Variants in CPLX1 observed in about 807,000 individuals in gnomAD.
CPLX1 encodes the protein complexin-1.
In CPLX1, 6 loss-of-function variants were observed where a neutral mutation model predicts 15.6. The ratio of observed to expected loss-of-function variants is 0.39; its 90% CI spans 0.21 to 0.76. The LOEUF (loss-of-function observed/expected upper bound fraction) is 0.76, where lower values mean the gene tolerates loss of function less well. CPLX1 is among the 30% of genes least tolerant of loss of function. CPLX1 has a pLI of 0.43. For missense variants in CPLX1, 242 were observed against 188.6 expected (o/e 1.28, Z -1.66); for synonymous variants, 91 against 75.2 (o/e 1.21, Z -1.08).
chr4:786,768 AG>A lies in CPLX1; in HGVS notation c.208-71del, dbSNP rs1009942619. ...GGGCGGGCCGCAGCCTCCCTGCGCC[AG>A]GGACTGGCCCAGGAACCCCCGAAGG... On this transcript the variant is annotated intron_variant, in intron 3 of 3. Transcript: ENST00000304062. 11 of 1,517,138 alleles carry A rather than the reference AG, an allele frequency of 7.3e-6. No homozygotes were observed. The Admixed American group carries it at 1.4e-4, about 20-fold the overall frequency. 94.0% of individuals were successfully genotyped at this position (1,517,138 alleles called of 1,614,324 possible).
intron 1 of CPLX1, among the ~76,000 whole-genome samples, chr4:825,005 G>T (rs1304782044): frequency 6.6e-6 from 1 of 152,214 alleles, no homozygotes; most frequent in African/African-American, 2.4e-5. Flanking sequence ...AGGGTTGGGG[G>T]TGGGTCTTTG....
chr4:824,261 G>T (rs1262661304), intron 2 of CPLX1, among the ~76,000 whole-genome samples: 1 of 152,240 alleles, frequency 6.6e-6, no homozygotes, highest in Non-Finnish European at 1.5e-5. Flanking sequence ...TTACAGGGCA[G>T]CCCCTGTCCC....
intron 2 of CPLX1, among the ~76,000 whole-genome samples, chr4:824,190 G>A (rs1203153976): frequency 6.6e-6 from 1 of 152,212 alleles, no homozygotes; most frequent in Admixed American, 6.5e-5. Flanking sequence ...CCCTCCCCCA[G>A]GACGTGCATC....
At chr4:800,477 A>AAAATAT (rs1553853379) in intron 2 of CPLX1, among the ~76,000 whole-genome samples, 1 of 146,806 alleles carries the variant, frequency 6.8e-6, no homozygotes. Context: ...TCTACTAAAA[A>AAAATAT]ATATATATAT....
At chr4:790,135 G>A (rs550757624) in intron 3 of CPLX1, among the ~76,000 whole-genome samples, 12 of 152,300 alleles carry the variant, frequency 7.9e-5, no homozygotes, top group African/African-American at 1.9e-4. Flanking sequence ...CTGTGGAGGA[G>A]GACTCTGTGG....
chr4:809,167 C>T (rs1329885899), intron 2 of CPLX1, among the ~76,000 whole-genome samples: 1 of 152,262 alleles, frequency 6.6e-6, no homozygotes, highest in Non-Finnish European at 1.5e-5. Context: ...CACGATTATG[C>T]TCCTCACGCT....
At chr4:814,569 G>A (rs1243050880) in intron 2 of CPLX1, among the ~76,000 whole-genome samples, 3 of 152,144 alleles carry the variant, frequency 2.0e-5, no homozygotes, top group Admixed American at 1.3e-4. Flanking sequence ...GATGGCCCCC[G>A]CGACTCACAG....
chr4:806,587 A>G (rs1382916479), intron 2 of CPLX1, among the ~76,000 whole-genome samples: 3 of 152,148 alleles, frequency 2.0e-5, no homozygotes, highest in Non-Finnish European at 4.4e-5. Flanking sequence ...AAAAGAAACT[A>G]TCATCAGAGT....
intron 2 of CPLX1, among the ~76,000 whole-genome samples, chr4:821,501 G>A (rs1746862199): frequency 6.6e-6 from 1 of 152,220 alleles, no homozygotes; most frequent in African/African-American, 2.4e-5. Context: ...GAGAGCGGGT[G>A]GCTGCTCGCT....
intron 3 of CPLX1, among the ~76,000 whole-genome samples, chr4:791,514 G>A (rs1746175310): frequency 6.6e-6 from 1 of 152,088 alleles, no homozygotes; most frequent in Non-Finnish European, 1.5e-5. Context: ...ACAACACCCC[G>A]TGAAGCCCAC....
At chr4:809,389 G>A (rs998663892) in intron 2 of CPLX1, among the ~76,000 whole-genome samples, 3 of 152,096 alleles carry the variant, frequency 2.0e-5, no homozygotes, top group African/African-American at 7.2e-5. Flanking sequence ...CCTGTCTCAC[G>A]CCCTTACTGA....
At chr4:825,902 CGGGGAGAAGGG>C (rs1746976015) in intron 1 of CPLX1, 133 bp downstream of exon 1, 1 of 19,734 alleles carries the variant, frequency 5.1e-5, no homozygotes, top group Non-Finnish European at 9.8e-5. Context: ...GCCGGGGCCG[CGGGGAGAAGGG>C]GGGCCGGGAA....
intron 2 of CPLX1, among the ~76,000 whole-genome samples, chr4:795,700 C>T (rs1226923796): frequency 1.3e-5 from 2 of 152,166 alleles, no homozygotes; most frequent in Admixed American, 6.5e-5. Context: ...TGGCAACGCC[C>T]CCCACAGCGG....
At chr4:786,994 C>T in intron 3 of CPLX1, 1 of 985,420 alleles carries the variant, frequency 1.0e-6, no homozygotes, top group Non-Finnish European at 1.2e-6. Flanking sequence ...TGGCTCCAAA[C>T]CCAGCCCAGC....
At position 792,257 on chromosome 4, in the gene CPLX1, A is replaced by T. The variant is rs34319523; in HGVS notation, c.207+176T>A. On this transcript the variant is annotated intron_variant, in intron 3 of 3. Coordinates refer to ENST00000304062, the MANE Select transcript of CPLX1 (RefSeq NM_006651.4). The stretch of plus-strand genomic sequence containing the variant: ...AGGAGGGGCTGGGCCCCACAGAGGG[A>T]GCCCAACCCGGAGCCCCCACCCCTC... Among the ~76,000 whole-genome samples the T allele has an allele frequency of 6.4e-3, 968 of 152,212 alleles. 15 individuals are homozygous for T. The highest frequency in any genetic ancestry group is 0.022 in the African/African-American group (905 of 41,558).
At chr4:823,428 G>A (rs1290106536) in intron 2 of CPLX1, among the ~76,000 whole-genome samples, 1 of 152,146 alleles carries the variant, frequency 6.6e-6, no homozygotes, top group Non-Finnish European at 1.5e-5. Flanking sequence ...CTTGTCCCTG[G>A]CCCCTCGAAC....
intron 2 of CPLX1, among the ~76,000 whole-genome samples, chr4:794,659 C>A (rs940776411): frequency 2.6e-5 from 4 of 152,174 alleles, no homozygotes; most frequent in Admixed American, 2.6e-4. Flanking sequence ...AATCTTAACC[C>A]CCATGAGAAA....
At chr4:795,477 C>T (rs1577472859) in intron 2 of CPLX1, among the ~76,000 whole-genome samples, 2 of 152,346 alleles carry the variant, frequency 1.3e-5, no homozygotes, top group East Asian at 1.9e-4. Context: ...GGCGGTCCCA[C>T]GTGGTGCCTG....
chr4:811,966 G>A (rs1226283935), intron 2 of CPLX1, among the ~76,000 whole-genome samples: 1 of 152,126 alleles, frequency 6.6e-6, no homozygotes, highest in Non-Finnish European at 1.5e-5. Context: ...TTCATCCCTG[G>A]CAATATTTCT....
Sources: allele counts gnomAD v4.1 joint callset (sites outside exome capture counted in the v4.1 genomes callset), GRCh38; gene constraint gnomAD v4.1.1; transcripts MANE v1.5; gene names NCBI Gene and HGNC (gene_info 2026-07-23, HGNC 2026-07-21).